Variants in CSMD1 observed in about 807,000 individuals in gnomAD.
The protein encoded by CSMD1 is CUB and sushi domain-containing protein 1.
Under a neutral mutation model 417.5 loss-of-function variants are expected in CSMD1, and 213 were observed. The ratio of observed to expected loss-of-function variants is 0.51; its 90% CI spans 0.46 to 0.57. The LOEUF is 0.57. CSMD1 is among the 20% of genes least tolerant of loss of function. The pLI is 0.00. For missense variants in CSMD1, 6,923 were observed against 4,529.7 expected (o/e 1.53, Z -15.17); for synonymous variants, 2,862 against 1,736.8 (o/e 1.65, Z -16.11).
intron 3 of CSMD1, among the ~76,000 whole-genome samples, chr8:4,201,580 G>C (rs1169853848): frequency 1.8e-5 from 2 of 114,214 alleles, no homozygotes; most frequent in Non-Finnish European, 3.6e-5. Flanking sequence ...AAAAAAATCA[G>C]AAAACGATAT....
At position 3,942,316 on chromosome 8, in the gene CSMD1, A is replaced by G. The variant is rs114548345; in HGVS notation, c.818+55587T>C. ...AAACCAATCCCTCCTCTTCCAGTGG[A>G]AAAATTGTCTTCCAAGAAACTGGTG... On this transcript the variant is annotated intron_variant, in intron 5 of 69. Transcript: ENST00000635120. 3.2e-3 allele frequency among the ~76,000 whole-genome samples: 484 copies of G among 152,250 alleles called. 1 individual carries two copies. The highest frequency in any genetic ancestry group is 8.5e-3 in the African/African-American group (354 of 41,552).
chr8:4,787,894 G>T, intron 1 of CSMD1: 2 of 1,580,954 alleles, frequency 1.3e-6, no homozygotes, highest in South Asian at 2.3e-5. Context: ...GATTGAATTT[G>T]GTGTTGATGT....
intron 3 of CSMD1, among the ~76,000 whole-genome samples, chr8:4,171,646 T>C (rs1797770434): frequency 1.3e-5 from 2 of 151,862 alleles, no homozygotes; most frequent in Admixed American, 1.3e-4. Context: ...AACTTGCCTG[T>C]TTTTTTCCCA....
At chr8:3,271,181 T>C (rs13256657) in intron 26 of CSMD1, among the ~76,000 whole-genome samples, 40,363 of 150,402 alleles carry the variant, frequency 0.27, 5,662 homozygotes, top group African/African-American at 0.34. Flanking sequence ...ATGCGGTGTT[T>C]GGTTTTTTGT....
intron 3 of CSMD1, among the ~76,000 whole-genome samples, chr8:4,209,022 C>T (rs535894675): frequency 6.6e-6 from 1 of 152,282 alleles, no homozygotes. Flanking sequence ...CATAATGAAT[C>T]CAATTGTATT....
chr8:4,272,919 G>C (rs1473014726), intron 3 of CSMD1, among the ~76,000 whole-genome samples: 4 of 152,068 alleles, frequency 2.6e-5, no homozygotes, highest in African/African-American at 7.2e-5. Context: ...AATCAAATAA[G>C]AAGTATTTTG....
At chr8:3,569,868 T>C (rs1247760342) in intron 10 of CSMD1, among the ~76,000 whole-genome samples, 1 of 152,178 alleles carries the variant, frequency 6.6e-6, no homozygotes, top group African/African-American at 2.4e-5. Flanking sequence ...CAACCTGGAA[T>C]ACCTTGTTTC....
chr8:4,661,340 A>G (rs1168171619), intron 1 of CSMD1, among the ~76,000 whole-genome samples: 2 of 152,226 alleles, frequency 1.3e-5, no homozygotes, highest in African/African-American at 4.8e-5. Flanking sequence ...CATGCCATAT[A>G]CTGGATACAT....
intron 65 of CSMD1, 129 bp from the exon 66 acceptor site, chr8:2,951,404 G>A (rs1802622188): frequency 1.1e-6 from 1 of 914,302 alleles, no homozygotes. Flanking sequence ...GAAGACAAGA[G>A]GAGCCTAGTG....
intron 3 of CSMD1, among the ~76,000 whole-genome samples, chr8:4,322,292 T>C (rs1322141489): frequency 6.6e-6 from 1 of 152,010 alleles, no homozygotes; most frequent in African/African-American, 2.4e-5. Context: ...TGAATTCAAT[T>C]TCATGTTATC....
At chr8:3,978,540 G>A (rs1393028180) in intron 5 of CSMD1, among the ~76,000 whole-genome samples, 1 of 152,042 alleles carries the variant, frequency 6.6e-6, no homozygotes, top group African/African-American at 2.4e-5. Context: ...TGTGAGTTTG[G>A]CAAAGGGTTT....
intron 37 of CSMD1, 139 bp downstream of exon 37, chr8:3,180,971 A>G: frequency 1.6e-6 from 1 of 636,976 alleles, no homozygotes; most frequent in Non-Finnish European, 2.7e-6. Flanking sequence ...CAGATTTCAT[A>G]ACACTAAATT....
At chr8:4,357,261 A>G (rs1801483336) in intron 3 of CSMD1, among the ~76,000 whole-genome samples, 1 of 152,292 alleles carries the variant, frequency 6.6e-6, no homozygotes, top group East Asian at 1.9e-4. Flanking sequence ...TTCAGGGACT[A>G]AAAAGTAACC....
intron 50 of CSMD1, among the ~76,000 whole-genome samples, chr8:3,046,506 C>G (rs1347342895): frequency 6.6e-6 from 1 of 152,164 alleles, no homozygotes; most frequent in Non-Finnish European, 1.5e-5. Flanking sequence ...CAAATCATGT[C>G]TCCTGATCCT....
intron 5 of CSMD1, among the ~76,000 whole-genome samples, chr8:3,941,910 A>G (rs1810910657): frequency 6.6e-6 from 1 of 152,114 alleles, no homozygotes; most frequent in Non-Finnish European, 1.5e-5. Flanking sequence ...TGGGCCATAC[A>G]GCAGGAGGTG....
At chr8:3,434,172 T>C (rs559844642) in intron 12 of CSMD1, among the ~76,000 whole-genome samples, 18 of 152,354 alleles carry the variant, frequency 1.2e-4, no homozygotes, top group African/African-American at 3.6e-4. Flanking sequence ...AAGGCCATCA[T>C]AGTAAATATT....
chr8:4,001,896 G>GA (rs145213672), intron 4 of CSMD1, among the ~76,000 whole-genome samples: 18,560 of 149,536 alleles, frequency 0.12, 1,224 homozygotes, highest in East Asian at 0.2. Flanking sequence ...TAGCACAGAG[G>GA]AAAAAAAAAA....
chr8:3,633,369 T>C (rs1477240325), intron 7 of CSMD1, among the ~76,000 whole-genome samples: 2 of 152,206 alleles, frequency 1.3e-5, no homozygotes, highest in Non-Finnish European at 2.9e-5. Context: ...CCTGCCATAT[T>C]TTCTTGAGAC....
chr8:4,976,796 T>A (rs1810587506), intron 1 of CSMD1, among the ~76,000 whole-genome samples: 1 of 152,194 alleles, frequency 6.6e-6, no homozygotes, highest in South Asian at 2.1e-4. Flanking sequence ...ACACATCACT[T>A]CCTCTCACTG....
Sources: gnomAD v4.1 joint callset for allele counts (sites outside exome capture counted in the v4.1 genomes callset) on GRCh38, gnomAD v4.1.1 for gene constraint, MANE v1.5 for transcripts, NCBI Gene and HGNC (gene_info 2026-07-23, HGNC 2026-07-21) for gene names.